SCHIP1: variants seen among roughly 807,000 people sequenced by gnomAD.
The protein encoded by SCHIP1 is schwannomin interacting protein 1, also known as schwannomin-interacting protein 1.
SCHIP1 carries 8 observed loss-of-function variants against 29.7 expected under a neutral mutation model. That is an observed-to-expected ratio of 0.27 (90% CI 0.16 to 0.49). The LOEUF (loss-of-function observed/expected upper bound fraction) is 0.49. SCHIP1 is among the 20% of genes least tolerant of loss of function. The pLI is 0.99. For missense variants in SCHIP1, 193 were observed against 294.6 expected (o/e 0.66, Z 2.52); for synonymous variants, 76 against 94.9 (o/e 0.80, Z 1.16).
the SCHIP1 span, among the ~76,000 whole-genome samples, chr3:159,336,842 A>G: frequency 2.0e-5 from 3 of 152,216 alleles, no homozygotes; most frequent in African/African-American, 4.8e-5. Flanking sequence ...TTTTGATTCC[A>G]TGTGAACTTT....
the SCHIP1 span, among the ~76,000 whole-genome samples, chr3:159,560,083 A>G: frequency 2.6e-5 from 4 of 152,208 alleles, no homozygotes; most frequent in East Asian, 1.9e-4. Flanking sequence ...AAGTTCTTCA[A>G]TTTCTGAATA....
the SCHIP1 span, among the ~76,000 whole-genome samples, chr3:159,480,992 C>T: frequency 1.1e-3 from 167 of 151,904 alleles, no homozygotes; most frequent in Non-Finnish European, 2.0e-3. Context: ...TGGGCAGGGG[C>T]GGGGGTCACA....
the SCHIP1 span, among the ~76,000 whole-genome samples, chr3:159,317,677 A>T: frequency 6.6e-6 from 1 of 152,196 alleles, no homozygotes; most frequent in Non-Finnish European, 1.5e-5. Context: ...GAACATGGTA[A>T]AACCAGTGAA....
At chr3:159,433,529 A>G in the SCHIP1 span, among the ~76,000 whole-genome samples, 1,794 of 152,300 alleles carry the variant, frequency 0.012, 50 homozygotes, top group African/African-American at 0.041. Context: ...GACTGGAAAT[A>G]CCTAGAAAAC....
the SCHIP1 span, among the ~76,000 whole-genome samples, chr3:159,789,680 A>G: frequency 6.6e-6 from 1 of 152,242 alleles, no homozygotes; most frequent in African/African-American, 2.4e-5. Flanking sequence ...TCCAGGGATC[A>G]TACTTTGAGA....
At chr3:159,697,365 A>G in the SCHIP1 span, among the ~76,000 whole-genome samples, 7 of 152,308 alleles carry the variant, frequency 4.6e-5, no homozygotes, top group East Asian at 1.4e-3. Context: ...GTTTTGACAG[A>G]AAGATGATAA....
chr3:159,383,204 T>A, the SCHIP1 span, among the ~76,000 whole-genome samples: 18 of 150,958 alleles, frequency 1.2e-4, no homozygotes, highest in South Asian at 1.3e-3. Context: ...CTGAATGGTA[T>A]TGCCTAGGTT....
chr3:159,785,009 T>A, the SCHIP1 span, among the ~76,000 whole-genome samples: 1 of 152,236 alleles, frequency 6.6e-6, no homozygotes, highest in African/African-American at 2.4e-5. Context: ...TACAAAGCTC[T>A]ATCAAAAAAC....
At chr3:159,273,604 A>G in the SCHIP1 span, 2 of 1,293,394 alleles carry the variant, frequency 1.5e-6, no homozygotes, top group South Asian at 2.4e-5. Context: ...TTTTTTGCCA[A>G]TACTTGAAGA....
At chr3:159,809,308 G>A in the SCHIP1 span, among the ~76,000 whole-genome samples, 3 of 152,132 alleles carry the variant, frequency 2.0e-5, no homozygotes, top group African/African-American at 7.2e-5. Context: ...CCCTGCAAAG[G>A]ACATGAACTC....
the SCHIP1 span, among the ~76,000 whole-genome samples, chr3:159,556,660 T>C: frequency 6.6e-6 from 1 of 150,406 alleles, no homozygotes; most frequent in Non-Finnish European, 1.5e-5. Context: ...CAGTAAACTA[T>C]CGCAAGGACA....
At chr3:159,449,720 T>C in the SCHIP1 span, among the ~76,000 whole-genome samples, 1 of 152,156 alleles carries the variant, frequency 6.6e-6, no homozygotes, top group Non-Finnish European at 1.5e-5. Flanking sequence ...CTCAAAATGA[T>C]TTGCCCGAAT....
chr3:159,793,571 G>T, the SCHIP1 span, among the ~76,000 whole-genome samples: 9 of 152,156 alleles, frequency 5.9e-5, no homozygotes, highest in African/African-American at 2.2e-4. Flanking sequence ...GGAGGCTCTA[G>T]GGGAGAGTCT....
the SCHIP1 span, among the ~76,000 whole-genome samples, chr3:159,769,119 T>C: frequency 2.0e-5 from 3 of 152,188 alleles, no homozygotes; most frequent in Admixed American, 2.0e-4. Flanking sequence ...CTTATCTTCT[T>C]GCCTACTCTA....
At chr3:159,462,473 C>T in the SCHIP1 span, among the ~76,000 whole-genome samples, 2 of 152,068 alleles carry the variant, frequency 1.3e-5, no homozygotes, top group South Asian at 4.2e-4. Flanking sequence ...ATTTTCATTA[C>T]CATCACTCTT....
the SCHIP1 span, among the ~76,000 whole-genome samples, chr3:159,538,093 G>T: frequency 1.3e-5 from 2 of 152,142 alleles, no homozygotes; most frequent in Non-Finnish European, 2.9e-5. Context: ...TCACTTACGT[G>T]TAATTATAAT....
the SCHIP1 span, among the ~76,000 whole-genome samples, chr3:159,831,865 C>T: frequency 6.6e-6 from 1 of 152,042 alleles, no homozygotes; most frequent in African/African-American, 2.4e-5. Context: ...GTAACTAAAA[C>T]CTTGAAAAGC....
chr3:159,340,422 T>G, the SCHIP1 span, among the ~76,000 whole-genome samples: 36,441 of 151,882 alleles, frequency 0.24, 4,714 homozygotes, highest in African/African-American at 0.33. Flanking sequence ...ATACTACATA[T>G]AATTATGATT....
chr3:159,494,351 C>T, the SCHIP1 span, among the ~76,000 whole-genome samples: 13 of 152,032 alleles, frequency 8.6e-5, no homozygotes, highest in African/African-American at 2.2e-4. Flanking sequence ...ATTGATAGAC[C>T]GCTAGCAAGA....
Sources: gnomAD v4.1 joint callset for allele counts (sites outside exome capture counted in the v4.1 genomes callset) on GRCh38, gnomAD v4.1.1 for gene constraint, MANE v1.5 for transcripts, NCBI Gene and HGNC (gene_info 2026-07-23, HGNC 2026-07-21) for gene names.